RIMS1: variants seen among roughly 807,000 people sequenced by gnomAD.
RIMS1 encodes regulating synaptic membrane exocytosis 1.
Under a neutral mutation model 214.1 loss-of-function variants are expected in RIMS1, and 83 were observed. The observed-to-expected ratio is 0.39, with a 90% confidence interval of 0.32 to 0.47. The LOEUF (loss-of-function observed/expected upper bound fraction) is 0.47. Among genes scored for constraint, RIMS1 ranks in the 20% least tolerant of loss-of-function variants. The pLI, the probability that RIMS1 is intolerant of heterozygous loss-of-function variation, is 0.99. For synonymous variants in RIMS1, 793 were observed against 786.8 expected, an observed-to-expected ratio of 1.01 and a Z score of -0.13; for missense variants, 2,050 against 2,161.8, an observed-to-expected ratio of 0.95 and a Z score of 1.03.
intron 6 of RIMS1, among the ~76,000 whole-genome samples, chr6:72,197,906 A>G (rs1437211608): frequency 6.6e-6 from 1 of 152,138 alleles, no homozygotes; most frequent in African/African-American, 2.4e-5. Context: ...GGAAAAGGGG[A>G]AAAATGTATA....
chr6:71,914,981 G>A (rs778925584), intron 1 of RIMS1, among the ~76,000 whole-genome samples: 5 of 152,094 alleles, frequency 3.3e-5, no homozygotes, highest in Admixed American at 1.3e-4. Flanking sequence ...GCAAATATTT[G>A]AATGAGTTTA....
At chr6:72,263,540 A>G (rs1409362430) in intron 19 of RIMS1, 11 of 985,092 alleles carry the variant, frequency 1.1e-5, no homozygotes, top group African/African-American at 8.7e-5. Context: ...TTCCCATTCT[A>G]TGTTGATCCC....
intron 4 of RIMS1, among the ~76,000 whole-genome samples, chr6:72,124,927 C>T (rs930232623): frequency 1.6e-4 from 25 of 152,134 alleles, no homozygotes; most frequent in African/African-American, 6.0e-4. Context: ...TTCAAACATC[C>T]TCCTTTAGCT....
At chr6:71,965,060 C>A (rs1041908055) in intron 1 of RIMS1, among the ~76,000 whole-genome samples, 3 of 152,116 alleles carry the variant, frequency 2.0e-5, no homozygotes, top group Non-Finnish European at 2.9e-5. Context: ...AATGTGGACC[C>A]TACAATAACA....
At chr6:72,056,949 A>G (rs1442559841) in intron 2 of RIMS1, among the ~76,000 whole-genome samples, 2 of 152,214 alleles carry the variant, frequency 1.3e-5, no homozygotes, top group African/African-American at 4.8e-5. Flanking sequence ...ATTATAATCT[A>G]CATTACTTTT....
At chr6:72,192,015 C>T (rs1050080788) in intron 6 of RIMS1, among the ~76,000 whole-genome samples, 13 of 152,176 alleles carry the variant, frequency 8.5e-5, no homozygotes, top group Admixed American at 4.6e-4. Flanking sequence ...GCCTTTCCTA[C>T]CATAATAGTC....
At chr6:71,958,176 G>A (rs1418098193) in intron 1 of RIMS1, among the ~76,000 whole-genome samples, 1 of 152,026 alleles carries the variant, frequency 6.6e-6, no homozygotes, top group Non-Finnish European at 1.5e-5. Flanking sequence ...CTTGTTTTTG[G>A]TTGGTGATCA....
At chr6:72,192,596 A>T (rs1322951610) in intron 6 of RIMS1, among the ~76,000 whole-genome samples, 1 of 152,204 alleles carries the variant, frequency 6.6e-6, no homozygotes, top group East Asian at 1.9e-4. Flanking sequence ...TATCAATTTC[A>T]CTTCTAGGAA....
intron 4 of RIMS1, among the ~76,000 whole-genome samples, chr6:72,108,268 A>T (rs367846609): frequency 1.8e-5 from 1 of 55,596 alleles, no homozygotes; most frequent in Non-Finnish European, 4.7e-5. Context: ...GTGTGTGTGT[A>T]TGTGGAGACT....
At chr6:72,118,800 C>T (rs2037615298) in intron 4 of RIMS1, among the ~76,000 whole-genome samples, 1 of 151,344 alleles carries the variant, frequency 6.6e-6, no homozygotes, top group South Asian at 2.1e-4. Context: ...TCCTCAACAA[C>T]ATAGTCATAA....
chr6:72,090,675 A>G (rs1835964939), intron 2 of RIMS1, among the ~76,000 whole-genome samples: 1 of 152,214 alleles, frequency 6.6e-6, no homozygotes, highest in Non-Finnish European at 1.5e-5. Flanking sequence ...CTTCTTTGAC[A>G]CTGGTACATG....
At chr6:72,108,955 G>T (rs1490713758) in intron 4 of RIMS1, among the ~76,000 whole-genome samples, 1 of 149,244 alleles carries the variant, frequency 6.7e-6, no homozygotes, top group Non-Finnish European at 1.5e-5. Flanking sequence ...GCAGTGTCTG[G>T]TTTTTTGTTC....
At chr6:72,009,904 G>C (rs1191654517) in intron 2 of RIMS1, among the ~76,000 whole-genome samples, 1 of 152,128 alleles carries the variant, frequency 6.6e-6, no homozygotes, top group Non-Finnish European at 1.5e-5. Context: ...GTACAAGGAA[G>C]AGCTGGTACC....
At chr6:72,078,933 T>C (rs1384388) in intron 2 of RIMS1, among the ~76,000 whole-genome samples, 17,611 of 152,058 alleles carry the variant, frequency 0.12, 1,215 homozygotes, top group East Asian at 0.29. Context: ...TACTAAGCAT[T>C]TAACATATTT....
chr6:72,192,896 G>A (rs1403522794), intron 6 of RIMS1, among the ~76,000 whole-genome samples: 2 of 152,110 alleles, frequency 1.3e-5, no homozygotes, highest in African/African-American at 4.8e-5. Context: ...GCCTTTCCCA[G>A]TCCACTGATT....
intron 6 of RIMS1, among the ~76,000 whole-genome samples, chr6:72,200,316 A>G (rs2051714881): frequency 6.6e-6 from 1 of 152,106 alleles, no homozygotes; most frequent in African/African-American, 2.4e-5. Flanking sequence ...CTTAGAGCAT[A>G]GTCCCTGACC....
At chr6:72,103,365 T>G (rs1251324878) in intron 4 of RIMS1, among the ~76,000 whole-genome samples, 2 of 152,172 alleles carry the variant, frequency 1.3e-5, no homozygotes, top group Non-Finnish European at 2.9e-5. Context: ...TTCTTTAAAC[T>G]TCGTATGATT....
intron 26 of RIMS1, among the ~76,000 whole-genome samples, chr6:72,300,508 A>T (rs1397154431): frequency 6.6e-6 from 1 of 151,782 alleles, no homozygotes; most frequent in East Asian, 1.9e-4. Flanking sequence ...ATTATGGCTA[A>T]ACATTTTAGA....
At chr6:72,337,342 G>T (rs1481807193) in intron 29 of RIMS1, among the ~76,000 whole-genome samples, 2 of 151,462 alleles carry the variant, frequency 1.3e-5, no homozygotes, top group Non-Finnish European at 3.0e-5. Context: ...GGCATTATTG[G>T]GAAGGTTCTA....
Sources: gnomAD v4.1 joint callset for allele counts (sites outside exome capture counted in the v4.1 genomes callset) on GRCh38, gnomAD v4.1.1 for gene constraint, MANE v1.5 for transcripts, NCBI Gene and HGNC (gene_info 2026-07-23, HGNC 2026-07-21) for gene names.